The following FGFR2 variants were observed in gnomAD, a reference collection of about 807,000 sequenced individuals.
FGFR2 encodes the protein fibroblast growth factor receptor 2, also known as BEK fibroblast growth factor receptor.
A neutral mutation model predicts 95.9 loss-of-function variants in FGFR2; 19 were observed. That is an observed-to-expected ratio of 0.20 (90% CI 0.14 to 0.29). The LOEUF is 0.29. Among genes scored for constraint, FGFR2 ranks in the 10% least tolerant of loss-of-function variants. The pLI, the probability that FGFR2 is intolerant of heterozygous loss-of-function variation, is 1.00. For missense variants in FGFR2, 707 were observed against 1,056.9 expected, an observed-to-expected ratio of 0.67 and a Z score of 4.59; for synonymous variants, 392 against 393.3, an observed-to-expected ratio of 1.00 and a Z score of 0.04.
rs554015659 is a variant in FGFR2 at position 121,485,626 on chromosome 10, T to C, written c.2058-94A>G. 83 of 1,564,258 alleles carry C rather than the reference T, an allele frequency of 5.3e-5. No homozygotes were observed. In the South Asian group the frequency reaches 9.1e-4, roughly 17 times the overall value. Reference sequence around the variant, plus strand: ...TGAGACATAAACACCTCCTCACTTCTGAAGTTCAAAGACAAATGGGCCCTC... The same window carrying C: ...TGAGACATAAACACCTCCTCACTTCCGAAGTTCAAAGACAAATGGGCCCTC... On this transcript the variant is annotated intron_variant, in intron 15 of 17. Coordinates refer to ENST00000358487, the MANE Select transcript of FGFR2 (RefSeq NM_000141.5). The surrounding 1 kb of genome is among the most constrained non-coding windows in gnomAD (Gnocchi z 4.2).
At chr10:121,480,722 A>G (rs1041903854) in intron 17 of FGFR2, among the ~76,000 whole-genome samples, 1 of 152,176 alleles carries the variant, frequency 6.6e-6, no homozygotes, top group African/African-American at 2.4e-5. Flanking sequence ...CTTCAGGAAA[A>G]TATCGGTTAA....
chr10:121,496,456 T>A (rs945659203), intron 13 of FGFR2, 76 bp downstream of exon 13: 2 of 1,366,118 alleles, frequency 1.5e-6, no homozygotes, highest in African/African-American at 2.9e-5. Flanking sequence ...CAAATGAGCA[T>A]GTCCAAATTG....
intron 2 of FGFR2, among the ~76,000 whole-genome samples, chr10:121,588,812 G>A (rs925792940): frequency 1.3e-5 from 2 of 152,078 alleles, no homozygotes; most frequent in African/African-American, 4.8e-5. Flanking sequence ...GACCCCTTCA[G>A]CCCAGGAGTC....
intron 17 of FGFR2, 64 bp downstream of exon 17, chr10:121,483,634 T>C: frequency 8.4e-7 from 1 of 1,196,914 alleles, no homozygotes; most frequent in Non-Finnish European, 1.2e-6. Flanking sequence ...AGTGTGTGTG[T>C]AAAACACTAC....
chr10:121,566,847 A>T (rs1014842003), intron 2 of FGFR2, among the ~76,000 whole-genome samples: 1 of 152,126 alleles, frequency 6.6e-6, no homozygotes, highest in African/African-American at 2.4e-5. Context: ...ACAAGGTCAC[A>T]GTTCCCAGAT....
In FGFR2 at chr10:121,520,022, C is replaced by G. The variant is rs1329431721; in HGVS notation, c.896G>C (p.Ser299Thr). The G allele has an allele frequency of 6.2e-7, 1 of 1,614,242 alleles. No homozygotes were observed. The highest frequency in any genetic ancestry group is 1.1e-5 in the South Asian group (1 of 91,084). ...QWIKHVEKNG[S>T]KYGPDGLPYL... ...GGGCAGCCCGTCGGGCCCGTATTTA[C>G]TGCCGTTCTTTTCCACGTGCTTGAT... The change falls in exon 7 of 18, where the codon AGT (serine) becomes ACT (threonine). Residue 299 changes from serine (S) to threonine (T), a missense_variant. Ser to Thr is a moderately conservative substitution (Grantham distance 58). This residue lies in a region of FGFR2 where 139 missense variants were observed against 278.1 expected (regional missense o/e 0.50). Transcript: ENST00000358487.
At chr10:121,561,428 A>G (rs1856948895) in intron 4 of FGFR2, among the ~76,000 whole-genome samples, 1 of 151,280 alleles carries the variant, frequency 6.6e-6, no homozygotes, top group Non-Finnish European at 1.5e-5. Context: ...CCCATCTCAA[A>G]AAAAAAAAAA....
At chr10:121,560,172 A>G (rs1856743637) in intron 4 of FGFR2, among the ~76,000 whole-genome samples, 1 of 151,908 alleles carries the variant, frequency 6.6e-6, no homozygotes. Flanking sequence ...CTAAGCCACA[A>G]TTTTCCATTC....
chr10:121,551,006 G>A (rs1412362909), intron 5 of FGFR2, among the ~76,000 whole-genome samples: 1 of 152,022 alleles, frequency 6.6e-6, no homozygotes, highest in Non-Finnish European at 1.5e-5. Flanking sequence ...GGATCACGAG[G>A]TCAGGAGATC....
chr10:121,576,913 T>A (rs1422357585), intron 2 of FGFR2, among the ~76,000 whole-genome samples: 2 of 151,118 alleles, frequency 1.3e-5, no homozygotes. Flanking sequence ...GGCAGGTGGA[T>A]CATTCAAGGT....
chr10:121,485,357 T>C lies in FGFR2; in HGVS notation c.2195+38A>G, dbSNP rs767782724. 1 of 1,613,762 alleles carries C rather than the reference T, an allele frequency of 6.2e-7. No homozygotes were observed. The highest frequency in any genetic ancestry group is 8.5e-7 in the Non-Finnish European group (1 of 1,179,912). ...GGAGAGGTATTACTGGTGTGGCAAG[T>C]CCACTGGGGCACCGGCAGGAAAGAC... On this transcript the variant is annotated intron_variant, in intron 16 of 17. Transcript: ENST00000358487. This position sits in a 1 kb window ranked among gnomAD's most constrained non-coding sequence, Gnocchi z 4.2.
chr10:121,538,000 C>G (rs1853109991), intron 6 of FGFR2: 1 of 224,844 alleles, frequency 4.4e-6, no homozygotes, highest in Admixed American at 5.1e-5. Flanking sequence ...GCCTACTTAT[C>G]TGTGCACTCT....
chr10:121,517,491 G>C lies in FGFR2; in HGVS notation c.940-28C>G, dbSNP rs777944445. On this transcript the variant is annotated intron_variant, in intron 7 of 17. Coordinates refer to ENST00000358487, the MANE Select transcript of FGFR2 (RefSeq NM_000141.5). This position sits in a 1 kb window ranked among gnomAD's most constrained non-coding sequence, Gnocchi z 4.7. Reference sequence around the variant, plus strand: ...AGAAAACAAGGGAAGCAAAAGAAAAGGCTAGACGACACAGGAATGATTGTG... The same window carrying C: ...AGAAAACAAGGGAAGCAAAAGAAAACGCTAGACGACACAGGAATGATTGTG... The C allele has an allele frequency of 6.2e-7, 1 of 1,613,972 alleles. No individual in the cohort carries two copies. Among genetic ancestry groups the C allele is most frequent in the Non-Finnish European group, 8.5e-7 (1 of 1,179,974 alleles).
Position 121,594,099 on chromosome 10 carries a change from C to T in FGFR2, c.-150-132G>A, listed in dbSNP as rs41301563. On this transcript the variant is annotated intron_variant, in intron 1 of 17. Coordinates refer to ENST00000358487, the MANE Select transcript of FGFR2 (RefSeq NM_000141.5). ...GTTCTTTTTCATTATCTGCTAAATCCTTCCATCCTCACCTCAGAGTCCCAG... is the reference window on the plus strand; with the variant it reads ...GTTCTTTTTCATTATCTGCTAAATCTTTCCATCCTCACCTCAGAGTCCCAG... 1.4e-3 allele frequency: 736 copies of T among 542,094 alleles called. 6 individuals carry two copies. The highest frequency in any genetic ancestry group is 0.013 in the African/African-American group (682 of 53,128). 33.6% of individuals were successfully genotyped at this position (542,094 alleles called of 1,614,324 possible).
chr10:121,550,822 T>A (rs964015999), intron 5 of FGFR2, among the ~76,000 whole-genome samples: 1 of 151,902 alleles, frequency 6.6e-6, no homozygotes, highest in Non-Finnish European at 1.5e-5. Flanking sequence ...GGGGTAATAT[T>A]TTTTTTTAAT....
chr10:121,563,667 A>T (rs1857274051), intron 4 of FGFR2, among the ~76,000 whole-genome samples: 1 of 152,200 alleles, frequency 6.6e-6, no homozygotes, highest in Non-Finnish European at 1.5e-5. Flanking sequence ...AACCCCAGAA[A>T]ATAGTATTAT....
At chr10:121,547,026 A>C (rs1854618346) in intron 5 of FGFR2, among the ~76,000 whole-genome samples, 1 of 152,162 alleles carries the variant, frequency 6.6e-6, no homozygotes, top group Non-Finnish European at 1.5e-5. Context: ...GGAGTTCGAG[A>C]CCAGCATGAC....
rs531290650 is a variant in FGFR2 at position 121,485,294 on chromosome 10, T to C, written c.2195+101A>G. 1.3e-6 allele frequency: 2 copies of C among 1,529,186 alleles called. No homozygotes were observed. The highest frequency in any genetic ancestry group is 4.5e-5 in the East Asian group (2 of 44,436). 94.7% of individuals were successfully genotyped at this position (1,529,186 alleles called of 1,614,324 possible). A position where few individuals can be genotyped will look rare whatever the true frequency, so the allele number is the denominator to read the frequency against. On this transcript the variant is annotated intron_variant, in intron 16 of 17. Coordinates refer to ENST00000358487, the MANE Select transcript of FGFR2 (RefSeq NM_000141.5). The surrounding 1 kb of genome is among the most constrained non-coding windows in gnomAD (Gnocchi z 4.2). ...CTTCAGCCATTCTTCTTAGAGCATGTTTAGGAAACCAGGGGCCTTCAAAAA... is the reference window on the plus strand; with the variant it reads ...CTTCAGCCATTCTTCTTAGAGCATGCTTAGGAAACCAGGGGCCTTCAAAAA...
At chr10:121,507,715 C>T (rs1041269588) in intron 9 of FGFR2, among the ~76,000 whole-genome samples, 1 of 152,132 alleles carries the variant, frequency 6.6e-6, no homozygotes, top group Non-Finnish European at 1.5e-5. Flanking sequence ...TTAATGTCTG[C>T]TACCAACACT....
Sources: gnomAD v4.1 joint callset for allele counts (sites outside exome capture counted in the v4.1 genomes callset) on GRCh38, gnomAD v4.1.1 for gene constraint, gnomAD v4.1.1 regional missense constraint, Gnocchi (gnomAD v3.1) non-coding constraint, MANE v1.5 for transcripts, NCBI Gene and HGNC (gene_info 2026-07-23, HGNC 2026-07-21) for gene names.